The following TAFA5 variants were observed in gnomAD, a reference collection of about 807,000 sequenced individuals.
The protein encoded by TAFA5 is TAFA chemokine like family member 5, also known as chemokine-like protein TAFA-5.
A neutral mutation model predicts 15.3 loss-of-function variants in TAFA5; 6 were observed. That is an observed-to-expected ratio of 0.39 (90% CI 0.21 to 0.77). The LOEUF is 0.77. Among genes scored for constraint, TAFA5 ranks in the 30% least tolerant of loss-of-function variants. The probability of loss-of-function intolerance (pLI) is 0.41; values close to 1 mark genes in which losing one functional copy is unlikely to be tolerated. For missense variants in TAFA5, 161 were observed against 193.1 expected, an observed-to-expected ratio of 0.83 and a Z score of 0.98; for synonymous variants, 103 against 80.7, an observed-to-expected ratio of 1.28 and a Z score of -1.48.
At chr22:48,659,353 G>A (rs1026623667) in intron 2 of TAFA5, among the ~76,000 whole-genome samples, 8 of 152,242 alleles carry the variant, frequency 5.3e-5, no homozygotes, top group Admixed American at 2.0e-4. Flanking sequence ...CCAGCCCACC[G>A]TCCACAGACC....
chr22:48,655,498 T>TGGTGGAA (rs1379867596), intron 2 of TAFA5, among the ~76,000 whole-genome samples: 1 of 152,098 alleles, frequency 6.6e-6, no homozygotes, highest in Non-Finnish European at 1.5e-5. Context: ...CATCCTCACG[T>TGGTGGAA]GGTGGAAGGT....
At chr22:48,581,529 G>A (rs891723776) in intron 1 of TAFA5, among the ~76,000 whole-genome samples, 7 of 152,224 alleles carry the variant, frequency 4.6e-5, no homozygotes, top group African/African-American at 1.4e-4. Flanking sequence ...GTCTCTGGGC[G>A]CGCGGAGCTG....
chr22:48,494,960 C>G (rs527246646), intron 1 of TAFA5, among the ~76,000 whole-genome samples: 1 of 152,218 alleles, frequency 6.6e-6, no homozygotes, highest in African/African-American at 2.4e-5. Context: ...TCCAACTAGG[C>G]GAGCGGGACT....
chr22:48,524,897 A>T (rs1164540961), intron 1 of TAFA5, among the ~76,000 whole-genome samples: 2 of 152,132 alleles, frequency 1.3e-5, no homozygotes, highest in African/African-American at 4.8e-5. Context: ...CTCCTGGGGC[A>T]TTCTCTGATC....
intron 2 of TAFA5, among the ~76,000 whole-genome samples, chr22:48,662,421 T>G (rs9325970): frequency 0.29 from 43,468 of 151,682 alleles, 6,754 homozygotes; most frequent in African/African-American, 0.41. Flanking sequence ...GCAAGAGGAG[T>G]CTGCAGAGGT....
chr22:48,656,793 C>T (rs6010564), intron 2 of TAFA5, among the ~76,000 whole-genome samples: 15,013 of 104,144 alleles, frequency 0.14, 1,650 homozygotes, highest in East Asian at 0.39. Context: ...AAGATGGAGT[C>T]TCACTCTGTT....
chr22:48,520,825 G>A (rs1028183773), intron 1 of TAFA5, among the ~76,000 whole-genome samples: 14 of 152,114 alleles, frequency 9.2e-5, no homozygotes, highest in African/African-American at 3.1e-4. Flanking sequence ...CTGGAAGGTC[G>A]GGAAAAGCCC....
At chr22:48,715,818 G>A (rs909293549) in intron 3 of TAFA5, among the ~76,000 whole-genome samples, 4 of 152,234 alleles carry the variant, frequency 2.6e-5, no homozygotes, top group African/African-American at 9.6e-5. Flanking sequence ...GGATGCTGTT[G>A]ATGGCCTGGC....
chr22:48,498,494 C>A (rs974623823), intron 1 of TAFA5, among the ~76,000 whole-genome samples: 2 of 152,076 alleles, frequency 1.3e-5, no homozygotes, highest in African/African-American at 2.4e-5. Context: ...TAGGACTTTT[C>A]TCGTTGCTAG....
At chr22:48,589,147 C>T (rs180898646) in intron 1 of TAFA5, among the ~76,000 whole-genome samples, 109 of 152,210 alleles carry the variant, frequency 7.2e-4, no homozygotes, top group African/African-American at 2.5e-3. Context: ...CCGCTGGTTG[C>T]CTTGGGGACA....
At chr22:48,635,006 G>A (rs761783) in intron 1 of TAFA5, among the ~76,000 whole-genome samples, 1 of 152,116 alleles carries the variant, frequency 6.6e-6, no homozygotes, top group Admixed American at 6.5e-5. Flanking sequence ...CCTGAGGTAG[G>A]GGGGATCCTC....
intron 3 of TAFA5, among the ~76,000 whole-genome samples, chr22:48,743,856 G>T (rs1054373494): frequency 6.6e-6 from 1 of 152,200 alleles, no homozygotes; most frequent in African/African-American, 2.4e-5. Context: ...CAGATGATCC[G>T]TCCGCACATT....
At chr22:48,540,598 T>C (rs1263558150) in intron 1 of TAFA5, among the ~76,000 whole-genome samples, 1 of 148,646 alleles carries the variant, frequency 6.7e-6, no homozygotes, top group Admixed American at 6.7e-5. Context: ...GAGTTTGCCT[T>C]TTTTTTTTTT....
chr22:48,568,209 C>T (rs9626845), intron 1 of TAFA5, among the ~76,000 whole-genome samples: 9,147 of 152,338 alleles, frequency 0.06, 820 homozygotes, highest in African/African-American at 0.2. Context: ...CGAGAGAAAG[C>T]AGCACCTTCC....
chr22:48,745,448 T>G (rs896544731), intron 3 of TAFA5, among the ~76,000 whole-genome samples: 4 of 146,560 alleles, frequency 2.7e-5, no homozygotes, highest in African/African-American at 7.7e-5. Flanking sequence ...GGGTTCACCC[T>G]GAGCATGGGC....
intron 1 of TAFA5, among the ~76,000 whole-genome samples, chr22:48,540,782 T>G (rs551706289): frequency 1.1e-4 from 16 of 152,048 alleles, no homozygotes; most frequent in Non-Finnish European, 2.4e-4. Flanking sequence ...TGGCCTCAAT[T>G]TTAGCTTCAG....
chr22:48,719,512 A>C (rs1569093172), intron 3 of TAFA5, among the ~76,000 whole-genome samples: 1 of 152,154 alleles, frequency 6.6e-6, no homozygotes. Flanking sequence ...AGAGAAGGAC[A>C]TTCCCTACCC....
intron 3 of TAFA5, among the ~76,000 whole-genome samples, chr22:48,725,999 G>A (rs1466797307): frequency 6.6e-6 from 1 of 152,172 alleles, no homozygotes; most frequent in Non-Finnish European, 1.5e-5. Flanking sequence ...CAAGAACAAA[G>A]GAAACCCTTG....
chr22:48,581,073 C>T (rs539856098), intron 1 of TAFA5, among the ~76,000 whole-genome samples: 24 of 152,246 alleles, frequency 1.6e-4, no homozygotes, highest in Admixed American at 3.9e-4. Context: ...AAATAACCAA[C>T]TCTTTTATCA....
Sources: allele counts gnomAD v4.1 joint callset (sites outside exome capture counted in the v4.1 genomes callset), GRCh38; gene constraint gnomAD v4.1.1; transcripts MANE v1.5; gene names NCBI Gene and HGNC (gene_info 2026-07-23, HGNC 2026-07-21).